The following DNM3 variants were observed in gnomAD, a reference collection of about 807,000 sequenced individuals.
DNM3 encodes dynamin-3.
In DNM3, 47 loss-of-function variants were observed where a neutral mutation model predicts 101.6. That is an observed-to-expected ratio of 0.46 (90% CI 0.37 to 0.59). The LOEUF (loss-of-function observed/expected upper bound fraction) is 0.59, where lower values mean the gene tolerates loss of function less well. DNM3 is among the 20% of genes least tolerant of loss of function. The probability of loss-of-function intolerance (pLI) is 0.00; values close to 1 mark genes in which losing one functional copy is unlikely to be tolerated. For synonymous variants in DNM3, 385 were observed against 387.9 expected (o/e 0.99, Z 0.09); for missense variants, 849 against 1,085.7 (o/e 0.78, Z 3.06).
intron 14 of DNM3, among the ~76,000 whole-genome samples, chr1:172,191,126 T>C (rs9425501): frequency 0.49 from 74,348 of 151,874 alleles, 19,891 homozygotes; most frequent in African/African-American, 0.71. Context: ...CCTAGGTTTT[T>C]TTCTGGGGTT....
chr1:171,990,662 C>T (rs921017560), intron 4 of DNM3, among the ~76,000 whole-genome samples: 4 of 152,104 alleles, frequency 2.6e-5, no homozygotes, highest in Non-Finnish European at 5.9e-5. Context: ...GGAAGGGTAG[C>T]TATGTGGGTG....
rs764332595 is a variant in DNM3, at chr1:172,048,710, T to C, written c.1295T>C (p.Ile432Thr). Residue 432 changes from isoleucine to threonine, a missense_variant, in exon 10 of 21, where the codon ATA becomes ACA. Ile to Thr is a moderately conservative substitution (Grantham distance 89, BLOSUM62 -1). Around this residue, in one of 5 missense-constraint regions of DNM3, gnomAD observed 193 missense variants for 238.4 expected, o/e 0.81. Coordinates refer to ENST00000627582, the MANE Select transcript of DNM3 (RefSeq NM_015569.5). ...TCCTTGAAGAGTGTGGATCTGGTAA[T>C]ACAAGAATTAATCAACACTGTGAAG... ...GPSLKSVDLV[I>T]QELINTVKKC... 5 of 1,612,228 alleles carry C rather than the reference T, an allele frequency of 3.1e-6. No homozygotes were observed. The South Asian group carries it at 4.4e-5, about 14-fold the overall frequency.
At position 172,221,595 on chromosome 1, in the gene DNM3, G is replaced by A. The variant is rs1339392599; in HGVS notation, c.1660-31978G>A. On this transcript the variant is annotated intron_variant, in intron 14 of 20. Transcript: ENST00000627582. Reference sequence around the variant, plus strand: ...TTCTACTAATACTAAGTAAACATCTGCTGTGATTTCCTATGCCTGGGAATG... The same window carrying A: ...TTCTACTAATACTAAGTAAACATCTACTGTGATTTCCTATGCCTGGGAATG... 2.0e-5 allele frequency among the ~76,000 whole-genome samples: 3 copies of A among 152,020 alleles called. No homozygotes were observed. In the East Asian group the frequency reaches 5.8e-4, roughly 29 times the overall value.
At chr1:171,934,723 C>T (rs937191730) in intron 2 of DNM3, among the ~76,000 whole-genome samples, 2 of 152,072 alleles carry the variant, frequency 1.3e-5, no homozygotes, top group East Asian at 3.8e-4. Context: ...CACTCAGGGA[C>T]TATTCAAAAC....
chr1:172,417,003 A>G (rs1334987086), downstream of DNM3, among the ~76,000 whole-genome samples: 1 of 152,164 alleles, frequency 6.6e-6, no homozygotes, highest in Non-Finnish European at 1.5e-5. Flanking sequence ...ATTTTTTACC[A>G]CTGCCCAGAA....
intron 4 of DNM3, among the ~76,000 whole-genome samples, chr1:172,004,418 G>A (rs974799251): frequency 6.6e-5 from 10 of 152,070 alleles, no homozygotes; most frequent in East Asian, 5.8e-4. Flanking sequence ...AATAGCCAGC[G>A]GACTGGATAC....
At chr1:172,204,433 A>G (rs1434821916) in intron 14 of DNM3, among the ~76,000 whole-genome samples, 4 of 152,074 alleles carry the variant, frequency 2.6e-5, no homozygotes, top group African/African-American at 4.8e-5. Context: ...TTCCACTTCC[A>G]TAGAATAAAA....
Position 172,319,889 on chromosome 1 carries a change from C to T in DNM3, c.1882-3440C>T, listed in dbSNP as rs544097618. Among the ~76,000 whole-genome samples, 508 of 152,116 alleles carry T rather than the reference C, an allele frequency of 3.3e-3. 9 individuals carry two copies. Among genetic ancestry groups the T allele is most frequent in the Admixed American group, 0.031 (467 of 15,280 alleles). ...CAGCCATCCCATTACTGGGTATATA[C>T]CCAAAGGAGTATAAATCATGCTGCT... On this transcript the variant is annotated intron_variant, in intron 16 of 20. Transcript: ENST00000627582.
chr1:172,092,947 T>G, intron 13 of DNM3, 72 bp downstream of exon 13: 1 of 1,369,778 alleles, frequency 7.3e-7, no homozygotes, highest in African/African-American at 1.5e-5. Flanking sequence ...GATTGACTAT[T>G]TTTTTAATGC....
chr1:171,866,125 A>G (rs1006992332), intron 1 of DNM3, among the ~76,000 whole-genome samples: 3 of 151,770 alleles, frequency 2.0e-5, no homozygotes, highest in African/African-American at 7.3e-5. Flanking sequence ...CTCAGAGCTT[A>G]CTTTCCTCTT....
chr1:171,946,496 G>T (rs546184917), intron 2 of DNM3, among the ~76,000 whole-genome samples: 1 of 152,190 alleles, frequency 6.6e-6, no homozygotes, highest in African/African-American at 2.4e-5. Flanking sequence ...GGGGAGACTG[G>T]GGAGTTGTGC....
intron 14 of DNM3, among the ~76,000 whole-genome samples, chr1:172,148,980 G>T (rs2058028248): frequency 6.6e-6 from 1 of 152,076 alleles, no homozygotes; most frequent in South Asian, 2.1e-4. Flanking sequence ...AAATAAAGGA[G>T]AAATATTTCA....
At chr1:171,986,639 T>G (rs550734643) in intron 2 of DNM3, among the ~76,000 whole-genome samples, 1 of 151,986 alleles carries the variant, frequency 6.6e-6, no homozygotes, top group East Asian at 1.9e-4. Context: ...CTGGCTTTTT[T>G]TTTTTTTTTG....
chr1:172,228,041 T>G (rs2061199507), intron 14 of DNM3, among the ~76,000 whole-genome samples: 1 of 152,164 alleles, frequency 6.6e-6, no homozygotes, highest in African/African-American at 2.4e-5. Flanking sequence ...AACAGATTTT[T>G]AATGGCTCTC....
At chr1:171,913,017 G>T (rs1302679067) in intron 1 of DNM3, among the ~76,000 whole-genome samples, 1 of 152,176 alleles carries the variant, frequency 6.6e-6, no homozygotes, top group East Asian at 1.9e-4. Flanking sequence ...TAGTGCATAA[G>T]CAAATAAAAT....
chr1:172,225,179 G>T (rs181052934), intron 14 of DNM3, among the ~76,000 whole-genome samples: 2 of 115,610 alleles, frequency 1.7e-5, no homozygotes, highest in African/African-American at 3.5e-5. Context: ...TTGCTGTGTC[G>T]CCAGGCTGGA....
chr1:172,111,383 T>C (rs769235609), intron 13 of DNM3, among the ~76,000 whole-genome samples: 16 of 152,182 alleles, frequency 1.1e-4, no homozygotes, highest in Non-Finnish European at 2.2e-4. Context: ...TCCAAAGGAG[T>C]ATAAAGCACA....
chr1:172,162,071 T>A (rs887115286), intron 14 of DNM3, among the ~76,000 whole-genome samples: 2 of 152,134 alleles, frequency 1.3e-5, no homozygotes, highest in African/African-American at 2.4e-5. Context: ...ATTTGCATAC[T>A]TTAAAGCATT....
intron 17 of DNM3, among the ~76,000 whole-genome samples, chr1:172,354,160 A>G (rs1276612647): frequency 7.1e-6 from 1 of 140,980 alleles, no homozygotes; most frequent in Non-Finnish European, 1.6e-5. Flanking sequence ...CATTTTTGCT[A>G]AAGAATATCT....
Sources: gnomAD v4.1 joint callset for allele counts (sites outside exome capture counted in the v4.1 genomes callset) on GRCh38, gnomAD v4.1.1 for gene constraint, gnomAD v4.1.1 regional missense constraint, MANE v1.5 for transcripts, NCBI Gene and HGNC (gene_info 2026-07-23, HGNC 2026-07-21) for gene names.